Variants in NEDD4L observed in about 807,000 individuals in gnomAD.
NEDD4L encodes the protein E3 ubiquitin-protein ligase NEDD4-like.
In NEDD4L, 54 loss-of-function variants were observed where a neutral mutation model predicts 148.9. That is an observed-to-expected ratio of 0.36 (90% CI 0.29 to 0.45). NEDD4L has a LOEUF of 0.45. Ranked by LOEUF, NEDD4L falls within the 20% of genes least tolerant of loss-of-function variation. The pLI is 1.00. For missense variants in NEDD4L, 856 were observed against 1,233.8 expected (o/e 0.69, Z 4.59); for synonymous variants, 433 against 440.7 (o/e 0.98, Z 0.22).
intron 1 of NEDD4L, among the ~76,000 whole-genome samples, chr18:58,128,243 C>T (rs2031487255): frequency 6.6e-6 from 1 of 152,126 alleles, no homozygotes; most frequent in Non-Finnish European, 1.5e-5. Flanking sequence ...GATGGGGTTT[C>T]ACCACATTGG....
intron 2 of NEDD4L, among the ~76,000 whole-genome samples, chr18:58,182,052 T>A (rs1030060339): frequency 2.6e-5 from 4 of 152,200 alleles, no homozygotes; most frequent in Non-Finnish European, 5.9e-5. Flanking sequence ...TTAAATTTTT[T>A]AAAATGCAAG....
At chr18:58,115,977 G>A (rs999622087) in intron 1 of NEDD4L, among the ~76,000 whole-genome samples, 3 of 152,186 alleles carry the variant, frequency 2.0e-5, no homozygotes, top group African/African-American at 7.2e-5. Context: ...GGAGCAAGGC[G>A]TGTTTAGGCC....
At chr18:58,374,849 T>A (rs999376213) in intron 24 of NEDD4L, among the ~76,000 whole-genome samples, 3 of 152,058 alleles carry the variant, frequency 2.0e-5, no homozygotes, top group Non-Finnish European at 2.9e-5. Context: ...TGTCTCACCC[T>A]TGCTATCTGG....
intron 29 of NEDD4L, among the ~76,000 whole-genome samples, chr18:58,391,113 A>G (rs1313577301): frequency 6.6e-6 from 1 of 152,112 alleles, no homozygotes; most frequent in Non-Finnish European, 1.5e-5. Flanking sequence ...TTTACCATAG[A>G]TTTAAAAATC....
chr18:58,175,462 G>A (rs1475363736), intron 2 of NEDD4L, among the ~76,000 whole-genome samples: 2 of 150,892 alleles, frequency 1.3e-5, no homozygotes, highest in African/African-American at 5.0e-5. Flanking sequence ...CCCCATTGAG[G>A]AGCAGCACCT....
At chr18:58,346,886 C>T (rs1043611938) in intron 16 of NEDD4L, among the ~76,000 whole-genome samples, 1 of 151,716 alleles carries the variant, frequency 6.6e-6, no homozygotes, top group African/African-American at 2.4e-5. Context: ...GAGCCTTGAC[C>T]GCCACTTCAT....
At chr18:58,200,043 G>T (rs1478456417) in intron 2 of NEDD4L, among the ~76,000 whole-genome samples, 1 of 152,134 alleles carries the variant, frequency 6.6e-6, no homozygotes, top group Non-Finnish European at 1.5e-5. Flanking sequence ...CAAAATTGCT[G>T]CCATTTTGTT....
intron 5 of NEDD4L, among the ~76,000 whole-genome samples, chr18:58,281,881 C>T (rs959699713): frequency 1.3e-5 from 2 of 151,608 alleles, no homozygotes; most frequent in Admixed American, 6.6e-5. Flanking sequence ...AAAAATTGGC[C>T]GGGCGTGGTG....
chr18:58,091,032 G>A (rs1168642368), intron 1 of NEDD4L: 2 of 152,196 alleles, frequency 1.3e-5, no homozygotes, highest in East Asian at 1.9e-4. Flanking sequence ...TTCTACCCTT[G>A]GAATAGTAAC....
intron 5 of NEDD4L, among the ~76,000 whole-genome samples, chr18:58,277,601 G>A (rs1186243012): frequency 6.6e-6 from 1 of 152,148 alleles, no homozygotes; most frequent in Admixed American, 6.5e-5. Context: ...TGTAAATGGG[G>A]TAATTAAAAC....
chr18:58,390,845 G>T, intron 29 of NEDD4L, 103 bp downstream of exon 29: 1 of 786,558 alleles, frequency 1.3e-6, no homozygotes, highest in African/African-American at 1.7e-5. Flanking sequence ...AGAAGGCTAA[G>T]TTTCAGGACA....
At chr18:58,298,281 C>T (rs890557326) in intron 5 of NEDD4L, among the ~76,000 whole-genome samples, 10 of 151,992 alleles carry the variant, frequency 6.6e-5, no homozygotes, top group Admixed American at 2.0e-4. Flanking sequence ...TTTAAGGGAA[C>T]CTGAATTTCT....
rs769832947 is a variant in NEDD4L, at chr18:58,357,178, T to C, written c.1709-16T>C. ...CTAATGTTCTGATTTTTTTTTTTTT[T>C]TTTTAACATTTTCAGATAGCAAAAT... On this transcript the variant is annotated splice_polypyrimidine_tract_variant and intron_variant, in intron 18 of 30. Transcript: ENST00000400345. The C allele has an allele frequency of 6.9e-6, 11 of 1,592,640 alleles. No individual in the cohort carries two copies. The highest frequency in any genetic ancestry group is 9.4e-6 in the Non-Finnish European group (11 of 1,168,542).
intron 28 of NEDD4L, chr18:58,390,431 G>A: frequency 2.2e-6 from 1 of 458,844 alleles, no homozygotes; most frequent in Non-Finnish European, 3.9e-6. Context: ...CCTATTGGCA[G>A]AAGAAGAAAG....
intron 5 of NEDD4L, among the ~76,000 whole-genome samples, chr18:58,278,531 C>G (rs1445894965): frequency 6.6e-6 from 1 of 152,180 alleles, no homozygotes; most frequent in African/African-American, 2.4e-5. Flanking sequence ...GCCAAAACCC[C>G]ATACGGTCCT....
chr18:58,367,999 A>G, intron 22 of NEDD4L, 132 bp downstream of exon 22: 5 of 967,228 alleles, frequency 5.2e-6, no homozygotes, highest in South Asian at 1.8e-5. Context: ...TGTTTTGCCC[A>G]TAATGGATGT....
At chr18:58,125,358 G>GGTGTGTGTGTGTGTGTGTGTGT (rs34644275) in intron 1 of NEDD4L, among the ~76,000 whole-genome samples, 4 of 148,712 alleles carry the variant, frequency 2.7e-5, no homozygotes, top group African/African-American at 7.4e-5. Flanking sequence ...CCACCAGGAG[G>GGTGTGTGTGTGTGTGTGTGTGT]GTGTGTGTGT....
At chr18:58,310,815 G>A (rs920460113) in intron 5 of NEDD4L, among the ~76,000 whole-genome samples, 2 of 152,200 alleles carry the variant, frequency 1.3e-5, no homozygotes, top group Admixed American at 6.5e-5. Flanking sequence ...CAGCTGATGG[G>A]GTAGCTGCAC....
intron 5 of NEDD4L, among the ~76,000 whole-genome samples, chr18:58,283,585 G>T (rs2053490260): frequency 1.3e-5 from 2 of 152,142 alleles, no homozygotes. Flanking sequence ...ATGATCCTGA[G>T]GCTTTGGGGC....
Sources: allele counts gnomAD v4.1 joint callset (sites outside exome capture counted in the v4.1 genomes callset), GRCh38; gene constraint gnomAD v4.1.1; transcripts MANE v1.5; gene names NCBI Gene and HGNC (gene_info 2026-07-23, HGNC 2026-07-21).